ODF2L: variants seen among roughly 807,000 people sequenced by gnomAD.
ODF2L encodes outer dense fiber of sperm tails 2 like, also known as protein BCAP.
ODF2L carries 76 observed loss-of-function variants against 86.3 expected under a neutral mutation model. The ratio of observed to expected loss-of-function variants is 0.88; its 90% confidence interval spans 0.73 to 1.07. ODF2L has a LOEUF of 1.07. Among genes scored for constraint, ODF2L ranks in the 50% least tolerant of loss-of-function variants. ODF2L has a pLI of 0.00. For synonymous variants in ODF2L, 241 were observed against 231.3 expected, an observed-to-expected ratio of 1.04 and a Z score of -0.38; for missense variants, 748 against 717.4, an observed-to-expected ratio of 1.04 and a Z score of -0.49.
chr1:86,347,051 A>T (rs1295672919), downstream of ODF2L: 1 of 152,080 alleles, frequency 6.6e-6, no homozygotes, highest in Non-Finnish European at 1.5e-5. Flanking sequence ...GCAAGTGCTT[A>T]ATCAATCATA....
chr1:86,360,449 G>A, exon 12 of ODF2L: 1 of 1,552,668 alleles, frequency 6.4e-7, no homozygotes, highest in Non-Finnish European at 8.9e-7. Context: ...ATTTCAATAA[G>A]GGTTTTCTGT....
rs76848700 is a variant in ODF2L, at chr1:86,375,784, T to C, written c.810+449A>G. On this transcript the variant is annotated intron_variant, in intron 8 of 17. Transcript: ENST00000317336. ...TGTTCCTCAGAACCAGTTCCAAGAG[T>C]TGCTTTGTGCATAAAAGACTAGCTC... 4.4e-3 allele frequency among the ~76,000 whole-genome samples: 670 copies of C among 152,182 alleles called. 5 individuals are homozygous for C. The highest frequency in any genetic ancestry group is 0.015 in the African/African-American group (641 of 41,516).
At chr1:86,391,292 C>T (rs537920168) in intron 1 of ODF2L, among the ~76,000 whole-genome samples, 108 of 152,154 alleles carry the variant, frequency 7.1e-4, no homozygotes, top group African/African-American at 2.5e-3. Flanking sequence ...CAATGCAATT[C>T]GCATAAAAAT....
exon 18 of ODF2L, chr1:86,350,972 C>A (rs551895487): frequency 1.4e-4 from 21 of 151,858 alleles, no homozygotes; most frequent in African/African-American, 4.8e-4. Flanking sequence ...TGTTTAAGTT[C>A]TTTGTAGATT....
chr1:86,383,854 A>G (rs1316576150), intron 4 of ODF2L, among the ~76,000 whole-genome samples: 1 of 151,812 alleles, frequency 6.6e-6, no homozygotes. Flanking sequence ...TCAATACATG[A>G]GAAAATATTG....
intron 8 of ODF2L, 43 bp from the exon 9 acceptor site, chr1:86,372,583 T>G (rs1279912999): frequency 2.7e-6 from 3 of 1,120,126 alleles, no homozygotes; most frequent in Non-Finnish European, 3.7e-6. Flanking sequence ...TTTTAAAACA[T>G]TTTTGTTTTG....
At chr1:86,391,159 A>C (rs193130067) in intron 1 of ODF2L, among the ~76,000 whole-genome samples, 44 of 152,328 alleles carry the variant, frequency 2.9e-4, no homozygotes, top group Non-Finnish European at 5.1e-4. Flanking sequence ...TACAAGGAAA[A>C]CTATAAAACA....
At chr1:86,350,077 TC>T, downstream of ODF2L, 1 of 433,150 alleles carries the variant, frequency 2.3e-6, no homozygotes, top group South Asian at 9.7e-5. Context: ...ACAAAACTTA[TC>T]AGGTTTAACA....
exon 18 of ODF2L, chr1:86,350,552 C>A (rs931986385): frequency 1.3e-5 from 2 of 152,186 alleles, no homozygotes; most frequent in African/African-American, 4.8e-5. Context: ...AATAGTGCCA[C>A]AATAAATATA....
intron 9 of ODF2L, among the ~76,000 whole-genome samples, chr1:86,371,668 T>C (rs1659794108): frequency 1.3e-5 from 2 of 152,296 alleles, no homozygotes; most frequent in Admixed American, 1.3e-4. Flanking sequence ...TAATAAAATA[T>C]ATGTATTTTT....
chr1:86,359,813 C>T (rs1183401661), intron 12 of ODF2L, among the ~76,000 whole-genome samples: 3 of 152,116 alleles, frequency 2.0e-5, no homozygotes, highest in Non-Finnish European at 4.4e-5. Flanking sequence ...CCACTACACC[C>T]AGCCAGTTCA....
At chr1:86,348,960 T>C (rs1657945830), downstream of ODF2L, 12 of 1,357,282 alleles carry the variant, frequency 8.8e-6, no homozygotes, top group South Asian at 1.6e-5. Context: ...TAAAAACATA[T>C]ATACAATAAC....
intron 14 of ODF2L, among the ~76,000 whole-genome samples, chr1:86,355,603 T>C (rs1037456019): frequency 1.3e-5 from 2 of 152,128 alleles, no homozygotes; most frequent in African/African-American, 2.4e-5. Flanking sequence ...TCATGGGGGT[T>C]TGTTGTACAG....
At chr1:86,376,414 A>G (rs750453614) in exon 8 of ODF2L, 26 of 1,571,424 alleles carry the variant, frequency 1.7e-5, no homozygotes, top group Non-Finnish European at 2.2e-5. Context: ...CTTGGTTTCT[A>G]AGCTCTAAAA....
At chr1:86,395,512 T>A (rs1661671098) in intron 1 of ODF2L, among the ~76,000 whole-genome samples, 1 of 151,990 alleles carries the variant, frequency 6.6e-6, no homozygotes, top group South Asian at 2.1e-4. Flanking sequence ...CCTTTAGCAC[T>A]CTCCACGACC....
chr1:86,366,391 T>TACACACACACACACACACAC (rs71643841), intron 11 of ODF2L, among the ~76,000 whole-genome samples: 1 of 119,294 alleles, frequency 8.4e-6, no homozygotes, highest in Non-Finnish European at 1.7e-5. Flanking sequence ...AGACCCCACC[T>TACACACACACACACACACAC]ACACACACAC....
intron 8 of ODF2L, 58 bp downstream of exon 8, chr1:86,376,175 T>A (rs1182222864): frequency 1.1e-6 from 1 of 885,838 alleles, no homozygotes; most frequent in Non-Finnish European, 1.7e-6. Flanking sequence ...ATGATATTAA[T>A]TATATAAACT....
intron 12 of ODF2L, among the ~76,000 whole-genome samples, chr1:86,359,932 A>G (rs1052167751): frequency 3.3e-5 from 5 of 152,234 alleles, no homozygotes; most frequent in Non-Finnish European, 4.4e-5. Context: ...TTCCAAAAAA[A>G]TAAAGGTTTT....
chr1:86,363,418 T>TA lies in ODF2L; in HGVS notation c.1144-2883dup, dbSNP rs1465058269. Among the ~76,000 whole-genome samples, 10 of 152,188 alleles carry TA rather than the reference T, an allele frequency of 6.6e-5. No individual in the cohort carries two copies. In the East Asian group the frequency reaches 1.9e-3, roughly 29 times the overall value. On this transcript the variant is annotated intron_variant, in intron 11 of 17. Transcript: ENST00000317336. ...CCACAAGAATAAATGAGATTATTTA[T>TA]AAAATTTGGAGAGATTTGTTTTAAA...
Sources: gnomAD v4.1 joint callset for allele counts (sites outside exome capture counted in the v4.1 genomes callset) on GRCh38, gnomAD v4.1.1 for gene constraint, MANE v1.5 for transcripts, NCBI Gene and HGNC (gene_info 2026-07-23, HGNC 2026-07-21) for gene names.